Variants in BRF1 observed in about 807,000 individuals in gnomAD.
The protein encoded by BRF1 is BRF1 general transcription factor IIIB subunit.
BRF1 carries 59 observed loss-of-function variants against 81.7 expected under a neutral mutation model. The observed-to-expected ratio is 0.72, with a 90% CI of 0.59 to 0.90. BRF1 has a LOEUF of 0.90. BRF1 is among the 40% of genes least tolerant of loss of function. The probability of loss-of-function intolerance (pLI) is 0.00; values close to 1 mark genes in which losing one functional copy is unlikely to be tolerated. For synonymous variants in BRF1, 491 were observed against 395.6 expected (o/e 1.24, Z -2.86); for missense variants, 1,050 against 936.3 (o/e 1.12, Z -1.58).
intron 2 of BRF1, among the ~76,000 whole-genome samples, chr14:105,283,073 G>C (rs587648999): frequency 2.0e-4 from 30 of 152,294 alleles, no homozygotes; most frequent in Admixed American, 1.9e-3. Flanking sequence ...TGAAAAATAC[G>C]TTAGGATCTG....
rs1285449857 is a variant in BRF1 at position 105,284,640 on chromosome 14, A to G, written c.265+1656T>C. On this transcript the variant is annotated intron_variant, in intron 2 of 17. Transcript: ENST00000547530. This position sits in a 1 kb window ranked among gnomAD's most constrained non-coding sequence, Gnocchi z 4.0. The stretch of plus-strand genomic sequence containing the variant: ...CAGGTTCCTGAGAGTGTACTCAATG[A>G]AACAGTGAAGCCAAAGAGATCCTAG... 6.6e-6 allele frequency among the ~76,000 whole-genome samples: 1 copy of G among 152,228 alleles called. No homozygotes were observed. Among genetic ancestry groups the G allele is most frequent in the Non-Finnish European group, 1.5e-5 (1 of 68,034 alleles).
intron 3 of BRF1, among the ~76,000 whole-genome samples, chr14:105,260,746 A>G (rs993609899): frequency 6.6e-6 from 1 of 152,258 alleles, no homozygotes; most frequent in Non-Finnish European, 1.5e-5. Context: ...TAAACATTTA[A>G]CGAAGTTAGA....
intron 1 of BRF1, among the ~76,000 whole-genome samples, chr14:105,294,435 C>T (rs2057650886): frequency 6.6e-6 from 1 of 152,236 alleles, no homozygotes; most frequent in Non-Finnish European, 1.5e-5. Flanking sequence ...TGTCACCAGG[C>T]CCGGATGCAC....
chr14:105,281,805 T>A (rs2057117062), intron 2 of BRF1, among the ~76,000 whole-genome samples: 2 of 151,842 alleles, frequency 1.3e-5, no homozygotes, highest in South Asian at 4.2e-4. Context: ...GAAAACCAAG[T>A]GAAGCCAGTG....
At chr14:105,262,017 T>C (rs894086029) in intron 3 of BRF1, among the ~76,000 whole-genome samples, 1 of 152,234 alleles carries the variant, frequency 6.6e-6, no homozygotes, top group African/African-American at 2.4e-5. Context: ...AAGCTCCGTG[T>C]AGAGCAGTAG....
chr14:105,305,964 G>A (rs587776065), upstream of BRF1, among the ~76,000 whole-genome samples: 6 of 152,382 alleles, frequency 3.9e-5, no homozygotes, highest in Admixed American at 2.6e-4. Context: ...TGTAAACAGG[G>A]AGAGGCTGTG....
chr14:105,266,020 G>A (rs1469015855), intron 3 of BRF1, among the ~76,000 whole-genome samples: 1 of 151,800 alleles, frequency 6.6e-6, no homozygotes, highest in Non-Finnish European at 1.5e-5. Flanking sequence ...GCAGTGAGCC[G>A]AGATGGCACC....
intron 5 of BRF1, chr14:105,248,590 A>T: frequency 1.1e-6 from 1 of 887,192 alleles, no homozygotes; most frequent in Non-Finnish European, 1.3e-6. Flanking sequence ...GGCGGGCGGG[A>T]CGGCGCCCCC....
intron 15 of BRF1, among the ~76,000 whole-genome samples, chr14:105,216,932 G>A (rs969691884): frequency 1.3e-5 from 2 of 152,206 alleles, no homozygotes; most frequent in Admixed American, 6.5e-5. Flanking sequence ...CCAAGACGCA[G>A]CAGGTGAGCC....
chr14:105,248,801 G>A (rs892494588), intron 5 of BRF1: 7 of 983,128 alleles, frequency 7.1e-6, no homozygotes, highest in African/African-American at 7.1e-5. Flanking sequence ...CGAGGCCCCG[G>A]CGCGGCGCGA....
At chr14:105,224,815 G>A (rs1286199514) in intron 10 of BRF1, among the ~76,000 whole-genome samples, 1 of 152,158 alleles carries the variant, frequency 6.6e-6, no homozygotes, top group Non-Finnish European at 1.5e-5. Flanking sequence ...AAAGTGCTGC[G>A]ATTACAGGCA....
intron 5 of BRF1, chr14:105,248,571 G>A (rs979848042): frequency 3.8e-6 from 1 of 266,480 alleles, no homozygotes; most frequent in African/African-American, 3.8e-5. Context: ...GTACGGGCTC[G>A]GGCGGGCGGG....
At chr14:105,214,466 A>ACACCCCTGCATGGCC (rs1890706526) in intron 15 of BRF1, among the ~76,000 whole-genome samples, 1 of 66,268 alleles carries the variant, frequency 1.5e-5, no homozygotes, top group African/African-American at 8.6e-5. Context: ...TCAGCTGCCC[A>ACACCCCTGCATGGCC]CACCCCTGCG....
chr14:105,307,216 C>T (rs999855107), intron 1 of BRF1, among the ~76,000 whole-genome samples: 3 of 151,948 alleles, frequency 2.0e-5, no homozygotes, highest in Non-Finnish European at 4.4e-5. Flanking sequence ...GCTGAGCATA[C>T]CTTTGATATG....
At chr14:105,216,948 G>A (rs1490347114) in intron 15 of BRF1, among the ~76,000 whole-genome samples, 1 of 152,208 alleles carries the variant, frequency 6.6e-6, no homozygotes, top group Non-Finnish European at 1.5e-5. Flanking sequence ...GAGCCCAGCT[G>A]CCCATGGCCT....
At chr14:105,258,112 G>T (rs2055971243) in intron 3 of BRF1, among the ~76,000 whole-genome samples, 2 of 152,210 alleles carry the variant, frequency 1.3e-5, no homozygotes, top group African/African-American at 4.8e-5. Context: ...TAATAACATA[G>T]GGAAATTGGG....
At chr14:105,313,195 C>T (rs1302184731) in intron 1 of BRF1, among the ~76,000 whole-genome samples, 3 of 152,230 alleles carry the variant, frequency 2.0e-5, no homozygotes, top group East Asian at 1.9e-4. Context: ...GCGGCCCATC[C>T]GTCTGACTGC....
chr14:105,220,534 C>A (rs1892115163), intron 11 of BRF1, among the ~76,000 whole-genome samples: 1 of 152,208 alleles, frequency 6.6e-6, no homozygotes, highest in African/African-American at 2.4e-5. Context: ...CTCCCCATCA[C>A]TGAGCCCATA....
rs762620791 is a variant in BRF1, at chr14:105,241,353, C to T, written c.606G>A (p.Glu202=). The change falls in exon 6 of 18, where the codon GAG becomes GAA. Residue 202 remains glutamate, a synonymous_variant. Transcript: ENST00000547530. The part of the protein sequence containing the change: ...HLLEFGEKNH[E]VSMTALRLLQ... ...GGAGCCTCAGGGCAGTCATGGACACCTCGTGGTTCTTCTCCCCGAATTCCA... is the reference window on the plus strand; with the variant it reads ...GGAGCCTCAGGGCAGTCATGGACACTTCGTGGTTCTTCTCCCCGAATTCCA... 1.9e-6 allele frequency: 3 copies of T among 1,612,802 alleles called. No homozygotes were observed. Among genetic ancestry groups the T allele is most frequent in the Non-Finnish European group, 2.5e-6 (3 of 1,179,934 alleles).
Sources: allele counts gnomAD v4.1 joint callset (sites outside exome capture counted in the v4.1 genomes callset), GRCh38; gene constraint gnomAD v4.1.1; non-coding constraint Gnocchi (gnomAD v3.1); transcripts MANE v1.5; gene names NCBI Gene and HGNC (gene_info 2026-07-23, HGNC 2026-07-21).